ADAMTSL1: variants seen among roughly 807,000 people sequenced by gnomAD.
ADAMTSL1 encodes the protein ADAMTS-like protein 1.
Under a neutral mutation model 201.8 loss-of-function variants are expected in ADAMTSL1, and 126 were observed. The ratio of observed to expected loss-of-function variants is 0.62; its 90% CI spans 0.54 to 0.72. ADAMTSL1 has a LOEUF of 0.72. Ranked by LOEUF, ADAMTSL1 falls within the 30% of genes least tolerant of loss-of-function variation. The pLI, the probability that ADAMTSL1 is intolerant of heterozygous loss-of-function variation, is 0.00. For synonymous variants in ADAMTSL1, 1,121 were observed against 903.4 expected (o/e 1.24, Z -4.32); for missense variants, 2,679 against 2,277.8 (o/e 1.18, Z -3.59).
chr9:18,346,348 G>A lies in ADAMTSL1; in HGVS notation c.208-158481G>A, dbSNP rs141349132. On this transcript the variant is annotated intron_variant, in intron 2 of 29. Transcript: ENST00000680146. ...TTATCAGTGCCTTTCTCAGAGCAGG[G>A]TTGGATGGTACCCACTGTATGGTAG... Among the ~76,000 whole-genome samples the A allele has an allele frequency of 1.7e-3, 259 of 152,202 alleles. 3 individuals carry two copies. Among genetic ancestry groups the A allele is most frequent in the Admixed American group, 3.1e-3 (48 of 15,282 alleles).
intron 1 of ADAMTSL1, among the ~76,000 whole-genome samples, chr9:18,095,101 A>G (rs530097235): frequency 6.6e-6 from 1 of 152,288 alleles, no homozygotes; most frequent in South Asian, 2.1e-4. Context: ...GACACCTGGG[A>G]GCTAGTTGCA....
chr9:18,723,307 T>C (rs1431860928), intron 15 of ADAMTSL1: 2 of 568,564 alleles, frequency 3.5e-6, no homozygotes, highest in Non-Finnish European at 6.3e-6. Flanking sequence ...TTTGCCATTA[T>C]TTGAAAAACA....
chr9:18,376,285 G>C (rs1021784250), intron 2 of ADAMTSL1, among the ~76,000 whole-genome samples: 20 of 152,152 alleles, frequency 1.3e-4, no homozygotes, highest in African/African-American at 4.6e-4. Context: ...TAATAGGAAA[G>C]ATAAGATATG....
intron 1 of ADAMTSL1, among the ~76,000 whole-genome samples, chr9:18,503,965 A>G (rs536425466): frequency 6.9e-6 from 1 of 144,830 alleles, no homozygotes; most frequent in East Asian, 2.0e-4. Flanking sequence ...ATCTTCCTAT[A>G]TAATATGTGC....
At chr9:18,895,577 C>A (rs1829579061) in intron 26 of ADAMTSL1, among the ~76,000 whole-genome samples, 1 of 152,182 alleles carries the variant, frequency 6.6e-6, no homozygotes, top group African/African-American at 2.4e-5. Context: ...GCTCTAAAGT[C>A]CCAAGGACAG....
chr9:18,606,071 G>A (rs1432025237), intron 4 of ADAMTSL1, among the ~76,000 whole-genome samples: 1 of 152,134 alleles, frequency 6.6e-6, no homozygotes, highest in Admixed American at 6.5e-5. Context: ...GAAGGTCTCT[G>A]CAGGGTTAGG....
intron 13 of ADAMTSL1, among the ~76,000 whole-genome samples, chr9:18,692,874 G>A (rs1223023683): frequency 6.6e-6 from 1 of 152,114 alleles, no homozygotes; most frequent in African/African-American, 2.4e-5. Flanking sequence ...TAGACTATTT[G>A]CAAGGAAAAG....
intron 2 of ADAMTSL1, among the ~76,000 whole-genome samples, chr9:18,410,691 T>C (rs1194894525): frequency 2.0e-5 from 3 of 152,192 alleles, no homozygotes; most frequent in Non-Finnish European, 4.4e-5. Context: ...AACATATACA[T>C]GTATTAATAT....
At chr9:18,499,740 C>G (rs1483647682) in intron 1 of ADAMTSL1, among the ~76,000 whole-genome samples, 3 of 152,156 alleles carry the variant, frequency 2.0e-5, no homozygotes. Context: ...ATTGTGAGTG[C>G]CATTCTTTGC....
chr9:18,889,777 T>A, intron 25 of ADAMTSL1, 29 bp downstream of exon 25: 1 of 1,425,992 alleles, frequency 7.0e-7, no homozygotes, highest in Non-Finnish European at 9.2e-7. Context: ...GGCTCAGACC[T>A]CCCCACCCTA....
chr9:18,654,906 T>C (rs755904510), intron 7 of ADAMTSL1, among the ~76,000 whole-genome samples: 1 of 152,246 alleles, frequency 6.6e-6, no homozygotes, highest in Non-Finnish European at 1.5e-5. Flanking sequence ...CACATAACAC[T>C]GTGGATCCCA....
chr9:18,789,586 A>G (rs540185815), intron 19 of ADAMTSL1, among the ~76,000 whole-genome samples: 13 of 152,336 alleles, frequency 8.5e-5, no homozygotes, highest in African/African-American at 2.9e-4. Flanking sequence ...TGAAGAGAGA[A>G]CTATGAATGA....
intron 2 of ADAMTSL1, among the ~76,000 whole-genome samples, chr9:18,305,824 C>A (rs564536233): frequency 6.6e-6 from 1 of 152,280 alleles, no homozygotes; most frequent in East Asian, 1.9e-4. Flanking sequence ...TTGAAGAGAG[C>A]AGTGGATCAC....
intron 2 of ADAMTSL1, among the ~76,000 whole-genome samples, chr9:18,305,927 C>T (rs1372883074): frequency 6.6e-6 from 1 of 152,064 alleles, no homozygotes; most frequent in Non-Finnish European, 1.5e-5. Context: ...CACCTCCCAG[C>T]AGGGCTCAAT....
intron 2 of ADAMTSL1, among the ~76,000 whole-genome samples, chr9:18,412,582 G>A (rs1246627898): frequency 6.6e-6 from 1 of 151,970 alleles, no homozygotes; most frequent in Non-Finnish European, 1.5e-5. Context: ...ATGTATTTTT[G>A]TCCTAACAAC....
At chr9:18,080,798 A>G (rs1563987947) in intron 1 of ADAMTSL1, among the ~76,000 whole-genome samples, 1 of 152,218 alleles carries the variant, frequency 6.6e-6, no homozygotes, top group Non-Finnish European at 1.5e-5. Context: ...AGTCATTTCT[A>G]CTTAATAGTC....
chr9:17,988,337 C>A (rs913083655), intron 1 of ADAMTSL1, among the ~76,000 whole-genome samples: 10 of 152,000 alleles, frequency 6.6e-5, no homozygotes, highest in African/African-American at 2.2e-4. Flanking sequence ...ACAAATTTAA[C>A]ATTGGGTTTC....
intron 1 of ADAMTSL1, among the ~76,000 whole-genome samples, chr9:18,485,281 A>G (rs1263087584): frequency 6.6e-6 from 1 of 152,206 alleles, no homozygotes; most frequent in Non-Finnish European, 1.5e-5. Flanking sequence ...CAAAAGTCCC[A>G]GGTACATGAT....
At chr9:18,267,524 G>A (rs1436703537) in intron 2 of ADAMTSL1, among the ~76,000 whole-genome samples, 2 of 152,030 alleles carry the variant, frequency 1.3e-5, no homozygotes, top group South Asian at 2.1e-4. Context: ...TTCAGCGCAT[G>A]GCTTACAGAA....
Sources: gnomAD v4.1 joint callset for allele counts (sites outside exome capture counted in the v4.1 genomes callset) on GRCh38, gnomAD v4.1.1 for gene constraint, MANE v1.5 for transcripts, NCBI Gene and HGNC (gene_info 2026-07-23, HGNC 2026-07-21) for gene names.